The following TSHZ2 variants were observed in gnomAD, a reference collection of about 807,000 sequenced individuals.
TSHZ2 encodes teashirt homolog 2.
TSHZ2 carries 21 observed loss-of-function variants against 74.4 expected under a neutral mutation model. The ratio of observed to expected loss-of-function variants is 0.28; its 90% CI spans 0.20 to 0.41. The LOEUF (loss-of-function observed/expected upper bound fraction) is 0.41. Among genes scored for constraint, TSHZ2 ranks in the 10% least tolerant of loss-of-function variants. TSHZ2 has a pLI of 1.00. For synonymous variants in TSHZ2, 540 were observed against 515.3 expected, an observed-to-expected ratio of 1.05 and a Z score of -0.65; for missense variants, 1,244 against 1,293.5, an observed-to-expected ratio of 0.96 and a Z score of 0.59.
chr20:53,157,312 A>G (rs1411723118), intron 1 of TSHZ2, among the ~76,000 whole-genome samples: 1 of 151,884 alleles, frequency 6.6e-6, no homozygotes, highest in Non-Finnish European at 1.5e-5. Context: ...TTTGAACAGA[A>G]TTACTTCCTT....
In TSHZ2 at chr20:53,027,113, C is replaced by CA. The variant is rs5841922; in HGVS notation, c.40+53790dup. Among the ~76,000 whole-genome samples, 998 of 151,068 alleles carry CA rather than the reference C, an allele frequency of 6.6e-3. 9 individuals are homozygous for CA. The highest frequency in any genetic ancestry group is 0.023 in the African/African-American group (957 of 41,260). On this transcript the variant is annotated intron_variant, in intron 1 of 2. Coordinates refer to ENST00000371497, the MANE Select transcript of TSHZ2 (RefSeq NM_173485.6). ...TTGCTATCACAGCCATATTCTAATA[C>CA]AAAAAAAAAATTGCAGCTGAATATT...
chr20:53,482,108 TA>T (rs570413572), intron 2 of TSHZ2, among the ~76,000 whole-genome samples: 766 of 74,276 alleles, frequency 0.01, 1 homozygote, highest in South Asian at 0.025. Context: ...CTCCATCTCA[TA>T]AAAAAAAAAA....
chr20:53,069,371 G>T (rs1985095670), intron 1 of TSHZ2, among the ~76,000 whole-genome samples: 1 of 151,988 alleles, frequency 6.6e-6, no homozygotes, highest in African/African-American at 2.4e-5. Flanking sequence ...CGTTGGGGGA[G>T]GTGTCCACAT....
At chr20:53,454,985 CCT>C (rs1259578658) in intron 2 of TSHZ2, among the ~76,000 whole-genome samples, 1 of 152,174 alleles carries the variant, frequency 6.6e-6, no homozygotes, top group Non-Finnish European at 1.5e-5. Flanking sequence ...CTCCCTAATT[CCT>C]GTTTTCCTTC....
intron 2 of TSHZ2, among the ~76,000 whole-genome samples, chr20:53,405,319 C>T (rs1227681014): frequency 6.6e-6 from 1 of 151,548 alleles, no homozygotes; most frequent in African/African-American, 2.4e-5. Context: ...TATCTAAGAA[C>T]TGGGAAGTAA....
intron 2 of TSHZ2, among the ~76,000 whole-genome samples, chr20:53,470,796 G>A (rs565412087): frequency 6.6e-6 from 1 of 150,832 alleles, no homozygotes; most frequent in East Asian, 2.0e-4. Context: ...CTGGATGATA[G>A]AGCAAAAATC....
chr20:53,472,082 G>T (rs1262332298), intron 2 of TSHZ2, among the ~76,000 whole-genome samples: 2 of 152,180 alleles, frequency 1.3e-5, no homozygotes, highest in East Asian at 1.9e-4. Flanking sequence ...TGGGACTACA[G>T]GTGTGAGCCC....
intron 1 of TSHZ2, among the ~76,000 whole-genome samples, chr20:53,205,216 C>A (rs758781394): frequency 1.7e-4 from 26 of 152,046 alleles, no homozygotes; most frequent in Non-Finnish European, 3.5e-4. Flanking sequence ...CTGTGCTAAG[C>A]AAGAAAAACA....
rs142498857 is a variant in TSHZ2, at chr20:53,304,628, C to CTTGTTTGTTTGT, written c.*8+48069_*8+48080dup. Among the ~76,000 whole-genome samples, 906 of 150,936 alleles carry CTTGTTTGTTTGT rather than the reference C, an allele frequency of 6.0e-3. 4 individuals carry two copies. The highest frequency in any genetic ancestry group is 0.016 in the African/African-American group (646 of 40,490). Reference sequence around the variant, plus strand: ...ATTAATGAAGTTTTTTGTTTGTTTCCTTGTTTGTTTGTTTGTTTGTTTGAG... The same window carrying CTTGTTTGTTTGT: ...ATTAATGAAGTTTTTTGTTTGTTTCCTTGTTTGTTTGTTTGTTTGTTTGTTTGTTTGTTTGAG... On this transcript the variant is annotated intron_variant, in intron 2 of 2. Coordinates refer to ENST00000371497, the MANE Select transcript of TSHZ2 (RefSeq NM_173485.6).
chr20:53,370,093 G>A (rs1256909003), intron 2 of TSHZ2, among the ~76,000 whole-genome samples: 1 of 152,210 alleles, frequency 6.6e-6, no homozygotes, highest in Non-Finnish European at 1.5e-5. Flanking sequence ...GGAATCTGAA[G>A]TCTGTGTCCC....
intron 1 of TSHZ2, among the ~76,000 whole-genome samples, chr20:52,982,344 A>G (rs1981598184): frequency 6.6e-6 from 1 of 152,182 alleles, no homozygotes; most frequent in Admixed American, 6.5e-5. Context: ...GAAGGACCCA[A>G]GGAAGAACCC....
chr20:53,349,247 A>G (rs1042649164), intron 2 of TSHZ2, among the ~76,000 whole-genome samples: 2 of 152,252 alleles, frequency 1.3e-5, no homozygotes, highest in Non-Finnish European at 2.9e-5. Context: ...TCTCTTGAGG[A>G]TTAACTTAGT....
At chr20:53,269,364 G>A (rs766090470) in intron 2 of TSHZ2, among the ~76,000 whole-genome samples, 7 of 151,998 alleles carry the variant, frequency 4.6e-5, no homozygotes, top group Non-Finnish European at 7.4e-5. Flanking sequence ...GGGGTGGGGG[G>A]GATAAAAGAT....
At chr20:53,280,155 T>C (rs1270247551) in intron 2 of TSHZ2, among the ~76,000 whole-genome samples, 1 of 152,196 alleles carries the variant, frequency 6.6e-6, no homozygotes, top group African/African-American at 2.4e-5. Flanking sequence ...GACATGTATG[T>C]GTGTGTGAAT....
At chr20:53,290,438 A>C (rs1991257582) in intron 2 of TSHZ2, among the ~76,000 whole-genome samples, 1 of 152,108 alleles carries the variant, frequency 6.6e-6, no homozygotes, top group Non-Finnish European at 1.5e-5. Context: ...ACATTTATAC[A>C]ATGTCTACTA....
At chr20:53,281,678 T>C (rs1377443572) in intron 2 of TSHZ2, among the ~76,000 whole-genome samples, 1 of 152,152 alleles carries the variant, frequency 6.6e-6, no homozygotes, top group African/African-American at 2.4e-5. Context: ...ATTAAACCTA[T>C]TGAATCCCTG....
At chr20:53,160,058 C>A (rs1369414414) in intron 1 of TSHZ2, among the ~76,000 whole-genome samples, 2 of 152,128 alleles carry the variant, frequency 1.3e-5, no homozygotes, top group African/African-American at 4.8e-5. Context: ...AAGGGAGGGT[C>A]CACATATGAA....
At chr20:53,465,957 C>T (rs1985543699) in intron 2 of TSHZ2, among the ~76,000 whole-genome samples, 1 of 135,392 alleles carries the variant, frequency 7.4e-6, no homozygotes, top group Non-Finnish European at 1.6e-5. Context: ...GACATATAAT[C>T]ACAGTGGTTA....
At chr20:53,163,503 G>A (rs1306433953) in intron 1 of TSHZ2, among the ~76,000 whole-genome samples, 1 of 150,878 alleles carries the variant, frequency 6.6e-6, no homozygotes, top group Non-Finnish European at 1.5e-5. Flanking sequence ...TGCACATTGT[G>A]CAGGTTAGTT....
Sources: gnomAD v4.1 joint callset for allele counts (sites outside exome capture counted in the v4.1 genomes callset) on GRCh38, gnomAD v4.1.1 for gene constraint, MANE v1.5 for transcripts, NCBI Gene and HGNC (gene_info 2026-07-23, HGNC 2026-07-21) for gene names.